The following ESR1 variants were observed in gnomAD, a reference collection of about 807,000 sequenced individuals.
ESR1 encodes the protein estrogen receptor 1.
ESR1 carries 12 observed loss-of-function variants against 52.7 expected under a neutral mutation model. The observed-to-expected ratio is 0.23, with a 90% confidence interval of 0.15 to 0.37. The LOEUF (loss-of-function observed/expected upper bound fraction) is 0.37, where lower values mean the gene tolerates loss of function less well. ESR1 is among the 10% of genes least tolerant of loss of function. The pLI, the probability that ESR1 is intolerant of heterozygous loss-of-function variation, is 1.00. For synonymous variants in ESR1, 305 were observed against 316.8 expected (o/e 0.96, Z 0.39); for missense variants, 584 against 779.7 (o/e 0.75, Z 2.99).
At chr6:151,964,236 A>G (rs1360160533) in intron 4 of ESR1, among the ~76,000 whole-genome samples, 3 of 152,188 alleles carry the variant, frequency 2.0e-5, no homozygotes, top group African/African-American at 4.8e-5. Context: ...TAGGAAGTGC[A>G]TTGAATCTGC....
chr6:151,781,796 A>G (rs938662566), intron 2 of ESR1, among the ~76,000 whole-genome samples: 2 of 148,936 alleles, frequency 1.3e-5, no homozygotes, highest in African/African-American at 2.5e-5. Flanking sequence ...AAAAAAAAGT[A>G]TTGTGCACAA....
chr6:152,012,192 A>G (rs976538373), intron 5 of ESR1, among the ~76,000 whole-genome samples: 22 of 152,016 alleles, frequency 1.4e-4, no homozygotes, highest in African/African-American at 5.3e-4. Context: ...ACAATAGCCT[A>G]TTCATTTTCT....
intron 2 of ESR1, among the ~76,000 whole-genome samples, chr6:151,858,592 T>C (rs1401518167): frequency 1.3e-5 from 2 of 152,072 alleles, no homozygotes; most frequent in African/African-American, 4.8e-5. Context: ...TTTTTTTTTT[T>C]TTTTTTAAAG....
intron 1 of ESR1, among the ~76,000 whole-genome samples, chr6:151,813,913 C>A (rs574389687): frequency 2.0e-5 from 3 of 152,102 alleles, no homozygotes; most frequent in Non-Finnish European, 4.4e-5. Flanking sequence ...TTTGAGAGTT[C>A]CCCAAATGTT....
intron 2 of ESR1, among the ~76,000 whole-genome samples, chr6:151,763,467 A>G (rs923678029): frequency 3.9e-5 from 6 of 152,128 alleles, no homozygotes; most frequent in African/African-American, 1.4e-4. Flanking sequence ...TTTTTTGGTT[A>G]TTGTTGCTGT....
chr6:151,892,333 A>G (rs1021832677), intron 3 of ESR1, among the ~76,000 whole-genome samples: 2 of 152,218 alleles, frequency 1.3e-5, no homozygotes, highest in Non-Finnish European at 2.9e-5. Flanking sequence ...CGCAGCTATC[A>G]TATTTACATT....
intron 3 of ESR1, among the ~76,000 whole-genome samples, chr6:151,925,375 G>T (rs1038762510): frequency 2.0e-5 from 3 of 152,172 alleles, no homozygotes; most frequent in Non-Finnish European, 4.4e-5. Flanking sequence ...GGGAAGCTGA[G>T]GCAGGCAGAT....
chr6:151,827,994 G>A (rs907016325), intron 1 of ESR1, among the ~76,000 whole-genome samples: 2 of 152,198 alleles, frequency 1.3e-5, no homozygotes, highest in African/African-American at 4.8e-5. Flanking sequence ...AAATGACGCA[G>A]AATTATTTAC....
intron 1 of ESR1, among the ~76,000 whole-genome samples, chr6:151,662,392 AACCAATGGGGCAGGT>A (rs1424749771): frequency 6.6e-6 from 1 of 152,152 alleles, no homozygotes; most frequent in Non-Finnish European, 1.5e-5. Flanking sequence ...TCTTTATACC[AACCAATGGGGCAGGT>A]ACCATTATTA....
At chr6:151,832,928 G>A (rs1782681851) in intron 1 of ESR1, among the ~76,000 whole-genome samples, 1 of 152,134 alleles carries the variant, frequency 6.6e-6, no homozygotes. Flanking sequence ...ACTATAATAG[G>A]ATCTCTTTTC....
chr6:151,793,150 G>A (rs1483950054), intron 2 of ESR1, among the ~76,000 whole-genome samples: 4 of 148,748 alleles, frequency 2.7e-5, no homozygotes, highest in African/African-American at 1.0e-4. Context: ...CAGCCTGGGC[G>A]ACAGAACGAG....
chr6:151,750,739 AC>A (rs1180469593), intron 2 of ESR1, among the ~76,000 whole-genome samples: 1 of 152,178 alleles, frequency 6.6e-6, no homozygotes, highest in African/African-American at 2.4e-5. Flanking sequence ...AAGATACGGG[AC>A]TTGAGAATCA....
At chr6:151,732,104 GT>G (rs1782290509) in intron 2 of ESR1, among the ~76,000 whole-genome samples, 1 of 152,180 alleles carries the variant, frequency 6.6e-6, no homozygotes, top group African/African-American at 2.4e-5. Context: ...TGAAAATGCA[GT>G]TTCTTCAAGT....
intron 2 of ESR1, among the ~76,000 whole-genome samples, chr6:151,870,497 C>T (rs1790749093): frequency 1.3e-5 from 2 of 152,132 alleles, no homozygotes; most frequent in Admixed American, 1.3e-4. Flanking sequence ...TTTCACCAAC[C>T]CTACCATGGC....
At chr6:152,093,102 C>T (rs1323479441) in intron 6 of ESR1, among the ~76,000 whole-genome samples, 1 of 151,974 alleles carries the variant, frequency 6.6e-6, no homozygotes, top group Non-Finnish European at 1.5e-5. Context: ...GATGGCGAAA[C>T]CCCATCTCTA....
At chr6:151,928,014 G>A (rs879749952) in intron 3 of ESR1, among the ~76,000 whole-genome samples, 2 of 152,028 alleles carry the variant, frequency 1.3e-5, no homozygotes, top group Admixed American at 6.6e-5. Flanking sequence ...GTGAGCCACC[G>A]TGCCCGGCTT....
At chr6:152,064,283 G>A (rs369787866) in intron 6 of ESR1, among the ~76,000 whole-genome samples, 3 of 152,330 alleles carry the variant, frequency 2.0e-5, no homozygotes, top group South Asian at 2.1e-4. Context: ...CAGCAGCTGC[G>A]GAGGAAGGAT....
intron 2 of ESR1, among the ~76,000 whole-genome samples, chr6:151,850,077 A>G (rs1221608621): frequency 1.4e-4 from 10 of 71,478 alleles, no homozygotes; most frequent in Non-Finnish European, 2.4e-4. Flanking sequence ...TATATATAAA[A>G]AATTATATAT....
intron 3 of ESR1, among the ~76,000 whole-genome samples, chr6:151,929,530 C>A (rs902819772): frequency 7.2e-5 from 11 of 152,150 alleles, no homozygotes; most frequent in African/African-American, 2.2e-4. Flanking sequence ...ACCTAGATGA[C>A]AGGTTAATAG....
Sources: allele counts gnomAD v4.1 joint callset (sites outside exome capture counted in the v4.1 genomes callset), GRCh38; gene constraint gnomAD v4.1.1; transcripts MANE v1.5; gene names NCBI Gene and HGNC (gene_info 2026-07-23, HGNC 2026-07-21).